The following HARS1 variants were observed in gnomAD, a reference collection of about 807,000 sequenced individuals.
The protein encoded by HARS1 is histidyl-tRNA synthetase 1.
Under a neutral mutation model 63.6 loss-of-function variants are expected in HARS1, and 45 were observed. The ratio of observed to expected loss-of-function variants is 0.71; its 90% confidence interval spans 0.56 to 0.91. The LOEUF (loss-of-function observed/expected upper bound fraction) is 0.91. Ranked by LOEUF, HARS1 falls within the 40% of genes least tolerant of loss-of-function variation. HARS1 has a pLI of 0.00. For synonymous variants in HARS1, 205 were observed against 247.1 expected, an observed-to-expected ratio of 0.83 and a Z score of 1.60; for missense variants, 508 against 643.2, an observed-to-expected ratio of 0.79 and a Z score of 2.27.
chr5:140,674,384 G>T (rs373746524), intron 12 of HARS1, 56 bp from the exon 13 acceptor site: 2 of 1,228,590 alleles, frequency 1.6e-6, no homozygotes, highest in South Asian at 1.2e-5. Flanking sequence ...ACTGCTCCCC[G>T]AGTGCCTAGT....
At position 140,674,280 on chromosome 5, in the gene HARS1, C is replaced by T. The variant is rs373031468; in HGVS notation, c.1507G>A (p.Gly503Ser). The change falls in exon 13 of 13, where the codon GGC (glycine) becomes AGC (serine). Residue 503 changes from glycine to serine, a missense_variant. Physicochemically the swap from Gly to Ser is moderately conservative, Grantham distance 56. Transcript: ENST00000504156. ...DLVEEIKRRT[G>S]QPLCIC The stretch of plus-strand genomic sequence containing the variant: ...GTTCAGCAGATGCAGAGGGGCTGGC[C>T]TGTTCTCCTTTTGATTTCCTCCACA... 2 of 1,611,362 alleles carry T rather than the reference C, an allele frequency of 1.2e-6. No homozygotes were observed. Among genetic ancestry groups the T allele is most frequent in the African/African-American group, 2.7e-5 (2 of 74,872 alleles).
rs1758207116 is a variant in HARS1, at chr5:140,674,196, A to G, written c.*61T>C. 2.0e-6 allele frequency: 2 copies of G among 988,290 alleles called. No homozygotes were observed. The highest frequency in any genetic ancestry group is 1.6e-6 in the Non-Finnish European group (1 of 607,672). The allele number at this position is 988,290 out of a possible 1,614,324, so 61.2% of individuals were successfully genotyped here. ...TGCAAAGCAATTGAAGTACATATGC[A>G]GTTTGTCTTAACCTCAAATAGTGCC... On this transcript the variant is annotated 3_prime_UTR_variant, in exon 13 of 13. Transcript: ENST00000504156.
intron 2 of HARS1, among the ~76,000 whole-genome samples, chr5:140,689,186 G>A (rs1759220739): frequency 6.6e-6 from 1 of 152,096 alleles, no homozygotes; most frequent in Non-Finnish European, 1.5e-5. Context: ...AAGGAAAACA[G>A]ACCATCTCCC....
intron 1 of HARS1, 131 bp from the exon 2 acceptor site, chr5:140,691,075 G>A: frequency 1.1e-6 from 1 of 900,536 alleles, no homozygotes. Context: ...GACCCACCCC[G>A]GATGTCTCCC....
intron 3 of HARS1, chr5:140,682,876 C>T (rs1281254237): frequency 6.3e-6 from 3 of 476,038 alleles, no homozygotes; most frequent in Non-Finnish European, 1.1e-5. Context: ...AATTACCATT[C>T]CAAAGAATGG....
chr5:140,678,278 C>G, intron 5 of HARS1: 1 of 506,368 alleles, frequency 2.0e-6, no homozygotes, highest in Non-Finnish European at 3.5e-6. Context: ...GATTATATGG[C>G]TTTAGTGCTT....
rs551153305 is a variant in HARS1, at chr5:140,677,761, G to A, written c.631-8C>T. The A allele has an allele frequency of 1.9e-6, 3 of 1,583,996 alleles. No homozygotes were observed. Among genetic ancestry groups the A allele is most frequent in the South Asian group, 2.2e-5 (2 of 90,326 alleles). Reference sequence around the variant, plus strand: ...AATGCGTCGATCGTTTACCTGCAAGGAACCAATGCATAGTGAGGGGGGAAT... The same window carrying A: ...AATGCGTCGATCGTTTACCTGCAAGAAACCAATGCATAGTGAGGGGGGAAT... On this transcript the variant is annotated splice_polypyrimidine_tract_variant and splice_region_variant and intron_variant, in intron 6 of 12. Coordinates refer to ENST00000504156, the MANE Select transcript of HARS1 (RefSeq NM_002109.6).
At position 140,679,350 on chromosome 5, in the gene HARS1, T is replaced by G; in HGVS notation, c.397-223A>C. 2.1e-6 allele frequency: 1 copy of G among 486,898 alleles called. No individual in the cohort carries two copies. The highest frequency in any genetic ancestry group is 2.8e-5 in the South Asian group (1 of 36,320). 30.2% of individuals were successfully genotyped at this position (486,898 alleles called of 1,614,324 possible). A position where few individuals can be genotyped will look rare whatever the true frequency, so the allele number is the denominator to read the frequency against. On this transcript the variant is annotated intron_variant, in intron 4 of 12. Transcript: ENST00000504156. The surrounding 1 kb of genome is among the most constrained non-coding windows in gnomAD (Gnocchi z 4.3). ...CACCTTTCCCTTTTGTAGTGTTGAC[T>G]GGACTTTTTTGAGCATGGCAAGGGG...
chr5:140,685,263 A>G (rs1758958123), intron 2 of HARS1: 1 of 152,062 alleles, frequency 6.6e-6, no homozygotes, highest in Non-Finnish European at 1.5e-5. Flanking sequence ...AGAAAGTAGA[A>G]AGTAGGATAG....
At position 140,676,643 on chromosome 5, in the gene HARS1, C is replaced by G; in HGVS notation, c.1194+11G>C. The G allele has an allele frequency of 6.2e-7, 1 of 1,613,648 alleles. No individual in the cohort carries two copies. The highest frequency in any genetic ancestry group is 8.5e-7 in the Non-Finnish European group (1 of 1,179,664). ...GCTCAGACTATCTTCTACCTACCTCCTAGGACCTACCTCTAGTCTCTGTTC... is the reference window on the plus strand; with the variant it reads ...GCTCAGACTATCTTCTACCTACCTCGTAGGACCTACCTCTAGTCTCTGTTC... On this transcript the variant is annotated intron_variant, in intron 10 of 12. Coordinates refer to ENST00000504156, the MANE Select transcript of HARS1 (RefSeq NM_002109.6). This position sits in a 1 kb window ranked among gnomAD's most constrained non-coding sequence, Gnocchi z 4.1.
intron 3 of HARS1, among the ~76,000 whole-genome samples, chr5:140,681,440 G>A (rs1370707312): frequency 6.6e-6 from 1 of 152,124 alleles, no homozygotes; most frequent in African/African-American, 2.4e-5. Flanking sequence ...TGGGGTGGGC[G>A]AATCACTGGA....
chr5:140,686,962 T>G (rs773670583), intron 2 of HARS1, among the ~76,000 whole-genome samples: 26 of 152,260 alleles, frequency 1.7e-4, no homozygotes, highest in Non-Finnish European at 3.5e-4. Flanking sequence ...TACTGTCAGA[T>G]GTTTTCCTTG....
Position 140,691,343 on chromosome 5 carries a change from C to T in HARS1, c.-39G>A, listed in dbSNP as rs1319455904. 2 of 1,490,760 alleles carry T rather than the reference C, an allele frequency of 1.3e-6. No homozygotes were observed. Among genetic ancestry groups the T allele is most frequent in the Non-Finnish European group, 1.8e-6 (2 of 1,090,474 alleles). The allele number at this position is 1,490,760 out of a possible 1,614,324, so 92.3% of individuals were successfully genotyped here. On this transcript the variant is annotated 5_prime_UTR_variant, in exon 1 of 13. Transcript: ENST00000504156. Reference sequence around the variant, plus strand: ...TTGAGCCGCCTGCTGTCTCGACCTGCGGTGGTTGCCCCAGCCTCAGCAAGG... The same window carrying T: ...TTGAGCCGCCTGCTGTCTCGACCTGTGGTGGTTGCCCCAGCCTCAGCAAGG...
At chr5:140,685,242 T>G (rs1758956579) in intron 2 of HARS1, 1 of 150,236 alleles carries the variant, frequency 6.7e-6, no homozygotes, top group South Asian at 2.1e-4. Flanking sequence ...AATAGTCAAA[T>G]CCATAGAGAC....
intron 2 of HARS1, among the ~76,000 whole-genome samples, chr5:140,689,707 A>T (rs1218410496): frequency 6.6e-6 from 1 of 152,204 alleles, no homozygotes; most frequent in Non-Finnish European, 1.5e-5. Flanking sequence ...ATACCTATTT[A>T]GGCATCTAGT....
intron 11 of HARS1, 38 bp downstream of exon 11, chr5:140,674,979 C>T: frequency 6.7e-7 from 1 of 1,501,084 alleles, no homozygotes; most frequent in Non-Finnish European, 9.3e-7. Flanking sequence ...GTCCAGCACA[C>T]CTAAGTTTGC....
chr5:140,678,785 A>C (rs1254236071), intron 5 of HARS1: 1 of 394,794 alleles, frequency 2.5e-6, no homozygotes, highest in East Asian at 4.7e-5. Context: ...CAGAGGTTGC[A>C]GTGAGCCAAG....
At chr5:140,680,309 G>A (rs1207941476) in intron 3 of HARS1, among the ~76,000 whole-genome samples, 2 of 151,832 alleles carry the variant, frequency 1.3e-5, no homozygotes, top group African/African-American at 4.8e-5. Flanking sequence ...ACCATGCCCG[G>A]CTAAGTTTTG....
chr5:140,674,453 C>CTGCT (rs1758234061), intron 12 of HARS1, 125 bp from the exon 13 acceptor site: 15 of 828,910 alleles, frequency 1.8e-5, no homozygotes, highest in Admixed American at 4.1e-5. Flanking sequence ...CCTAATTAAA[C>CTGCT]ACCTCAGGCT....
Sources: allele counts gnomAD v4.1 joint callset (sites outside exome capture counted in the v4.1 genomes callset), GRCh38; gene constraint gnomAD v4.1.1; non-coding constraint Gnocchi (gnomAD v3.1); transcripts MANE v1.5; gene names NCBI Gene and HGNC (gene_info 2026-07-23, HGNC 2026-07-21).